The following LETM1 variants were observed in gnomAD, a reference collection of about 807,000 sequenced individuals.
LETM1 encodes mitochondrial proton/calcium exchanger protein.
Under a neutral mutation model 74.5 loss-of-function variants are expected in LETM1, and 50 were observed. That is an observed-to-expected ratio of 0.67 (90% CI 0.53 to 0.85). The LOEUF (loss-of-function observed/expected upper bound fraction) is 0.85, where lower values mean the gene tolerates loss of function less well. Ranked by LOEUF, LETM1 falls within the 40% of genes least tolerant of loss-of-function variation. LETM1 has a pLI of 0.00. For missense variants in LETM1, 824 were observed against 967.8 expected (o/e 0.85, Z 1.97); for synonymous variants, 446 against 407.1 (o/e 1.10, Z -1.15).
chr4:1,849,255 T>G (rs1294950811), intron 1 of LETM1, 46 bp from the exon 2 acceptor site: 9 of 1,344,958 alleles, frequency 6.7e-6, no homozygotes, highest in Non-Finnish European at 9.6e-6. Context: ...AATCAGGGAT[T>G]TATACTGATA....
At chr4:1,849,878 G>C (rs922048537) in intron 1 of LETM1, among the ~76,000 whole-genome samples, 1 of 152,148 alleles carries the variant, frequency 6.6e-6, no homozygotes, top group Non-Finnish European at 1.5e-5. Context: ...GAAAGAAGGC[G>C]GGGCGCCGTG....
At position 1,836,803 on chromosome 4, in the gene LETM1, CT is replaced by C. The variant is rs1421520920; in HGVS notation, c.595-232del. Reference sequence around the variant, plus strand: ...GCCTCCAGAAAAGCAGGGTATGGTGCTGACACCAAGGGCCACTGGGTGCTCC... The same window carrying C: ...GCCTCCAGAAAAGCAGGGTATGGTGCGACACCAAGGGCCACTGGGTGCTCC... On this transcript the variant is annotated intron_variant, in intron 3 of 13. Transcript: ENST00000302787. The surrounding 1 kb of genome is among the most constrained non-coding windows in gnomAD (Gnocchi z 5.8). Among the ~76,000 whole-genome samples the C allele has an allele frequency of 2.0e-5, 3 of 152,134 alleles. No homozygotes were observed. Among genetic ancestry groups the C allele is most frequent in the Non-Finnish European group, 4.4e-5 (3 of 68,028 alleles).
chr4:1,838,110 A>AT (rs1560497739), intron 3 of LETM1, among the ~76,000 whole-genome samples: 1 of 151,358 alleles, frequency 6.6e-6, no homozygotes, highest in Non-Finnish European at 1.5e-5. Context: ...TTTACTTTTT[A>AT]TTTTTTTGAG....
intron 2 of LETM1, among the ~76,000 whole-genome samples, chr4:1,842,437 C>T (rs968264167): frequency 2.6e-5 from 4 of 152,084 alleles, no homozygotes; most frequent in Non-Finnish European, 4.4e-5. Flanking sequence ...CTCACACCTG[C>T]CCCCCCGCCT....
intron 2 of LETM1, among the ~76,000 whole-genome samples, chr4:1,845,989 C>T (rs1712870340): frequency 6.6e-6 from 1 of 151,488 alleles, no homozygotes. Flanking sequence ...TCCCAAGTAC[C>T]TGGGACTACA....
In LETM1 at chr4:1,841,586, C is replaced by A. The variant is rs202171442; in HGVS notation, c.355G>T (p.Val119Leu). 3 of 1,614,134 alleles carry A rather than the reference C, an allele frequency of 1.9e-6. No individual in the cohort carries two copies. The highest frequency in any genetic ancestry group is 2.7e-5 in the African/African-American group (2 of 74,948). The change falls in exon 3 of 14, where the codon GTA (valine) becomes TTA (leucine). Residue 119 changes from valine to leucine, a missense_variant. By Grantham distance (32) the Val-to-Leu change is conservative. Around this residue, in one of 4 missense-constraint regions of LETM1, gnomAD observed 222 missense variants for 195.6 expected, o/e 1.14. Coordinates refer to ENST00000302787, the MANE Select transcript of LETM1 (RefSeq NM_012318.3). ...AAGGACTTGAGGGACTTCTCTACTA[C>A]CGAGTCATCGCGAACAGGGCGCGAA... ...HSSRPVRDDS[V>L]VEKSLKSLKD...
Position 1,824,250 on chromosome 4 carries a change from G to A in LETM1, c.1201-475C>T, listed in dbSNP as rs577340039. 1.4e-4 allele frequency among the ~76,000 whole-genome samples: 22 copies of A among 152,356 alleles called. No homozygotes were observed. In the South Asian group the frequency reaches 4.6e-3, roughly 32 times the overall value. The stretch of plus-strand genomic sequence containing the variant: ...GCACAAGAATTGCTTGAACCAGGGA[G>A]GCGGAGGTTGTTTCAAGCCGAAATC... On this transcript the variant is annotated intron_variant, in intron 7 of 13. Coordinates refer to ENST00000302787, the MANE Select transcript of LETM1 (RefSeq NM_012318.3).
At chr4:1,831,702 A>C (rs1338701802) in intron 6 of LETM1, among the ~76,000 whole-genome samples, 3 of 152,218 alleles carry the variant, frequency 2.0e-5, no homozygotes, top group Non-Finnish European at 4.4e-5. Flanking sequence ...GGCTCCCCAC[A>C]TGGCCTTGCC....
chr4:1,831,555 A>G (rs1052095049), intron 6 of LETM1, among the ~76,000 whole-genome samples: 6 of 152,238 alleles, frequency 3.9e-5, no homozygotes, highest in Non-Finnish European at 8.8e-5. Flanking sequence ...TGGCGGATAC[A>G]CTGTCAGATG....
chr4:1,850,011 G>A (rs766805277), intron 1 of LETM1, among the ~76,000 whole-genome samples: 3 of 152,186 alleles, frequency 2.0e-5, no homozygotes, highest in Admixed American at 1.3e-4. Flanking sequence ...AAAATTAGCC[G>A]GGTATGGTGG....
At chr4:1,855,412 C>T (rs566530246) in intron 1 of LETM1, among the ~76,000 whole-genome samples, 3 of 152,156 alleles carry the variant, frequency 2.0e-5, no homozygotes, top group African/African-American at 4.8e-5. Flanking sequence ...TAGGTGCTGG[C>T]ATCACCTCAT....
chr4:1,825,129 C>A (rs1304456454), intron 7 of LETM1, among the ~76,000 whole-genome samples: 1 of 152,220 alleles, frequency 6.6e-6, no homozygotes, highest in African/African-American at 2.4e-5. Flanking sequence ...GAACCAGGCA[C>A]CAGCACAGGG....
In LETM1 at chr4:1,834,402, G is replaced by A. The variant is rs183692976; in HGVS notation, c.876+443C>T. 4.9e-5 allele frequency: 49 copies of A among 992,856 alleles called. No individual in the cohort carries two copies. In the East Asian group the frequency reaches 1.8e-3, roughly 36 times the overall value. 61.5% of individuals were successfully genotyped at this position (992,856 alleles called of 1,614,324 possible). A position where few individuals can be genotyped will look rare whatever the true frequency, so the allele number is the denominator to read the frequency against. On this transcript the variant is annotated intron_variant, in intron 5 of 13. Coordinates refer to ENST00000302787, the MANE Select transcript of LETM1 (RefSeq NM_012318.3). This position sits in a 1 kb window ranked among gnomAD's most constrained non-coding sequence, Gnocchi z 5.0. ...ATGACCGCAGGAAACCTCAAGGGCC[G>A]CTCCTCCTCTCCAGCCCCCACTGCT...
chr4:1,819,791 C>T (rs1441206902), intron 10 of LETM1, among the ~76,000 whole-genome samples: 1 of 152,232 alleles, frequency 6.6e-6, no homozygotes, highest in African/African-American at 2.4e-5. Context: ...TGGGTCCCGC[C>T]ACCGACCCCC....
chr4:1,827,003 C>T (rs1456829130), intron 6 of LETM1, among the ~76,000 whole-genome samples: 4 of 152,348 alleles, frequency 2.6e-5, no homozygotes, highest in East Asian at 1.9e-4. Context: ...CCACCCACAC[C>T]GTGGAGCCCG....
intron 5 of LETM1, 183 bp from the exon 6 acceptor site, chr4:1,833,130 G>C: frequency 5.0e-6 from 3 of 597,354 alleles, no homozygotes; most frequent in Non-Finnish European, 8.9e-6. Flanking sequence ...GGAATGCAGT[G>C]GTGTAATCTC....
At chr4:1,822,870 A>C (rs1711834730) in intron 9 of LETM1, 118 bp downstream of exon 9, 1 of 1,043,894 alleles carries the variant, frequency 9.6e-7, no homozygotes, top group African/African-American at 1.6e-5. Context: ...GGAAATAAAC[A>C]TGCAGGACAG....
At chr4:1,828,055 C>T (rs1385813785) in intron 6 of LETM1, among the ~76,000 whole-genome samples, 1 of 140,566 alleles carries the variant, frequency 7.1e-6, no homozygotes, top group Non-Finnish European at 1.5e-5. Flanking sequence ...GCTGACCCCC[C>T]CCACCTCCCT....
At chr4:1,828,772 C>T (rs528585339) in intron 6 of LETM1, among the ~76,000 whole-genome samples, 1,805 of 145,448 alleles carry the variant, frequency 0.012, 11 homozygotes, top group Non-Finnish European at 0.019. Flanking sequence ...GCAGAGGCGC[C>T]CCCCACCCCC....
Sources: gnomAD v4.1 joint callset for allele counts (sites outside exome capture counted in the v4.1 genomes callset) on GRCh38, gnomAD v4.1.1 for gene constraint, gnomAD v4.1.1 regional missense constraint, Gnocchi (gnomAD v3.1) non-coding constraint, MANE v1.5 for transcripts, NCBI Gene and HGNC (gene_info 2026-07-23, HGNC 2026-07-21) for gene names.